Variants in HFM1 observed in about 807,000 individuals in gnomAD.
HFM1 encodes the protein probable ATP-dependent DNA helicase HFM1.
A neutral mutation model predicts 192.1 loss-of-function variants in HFM1; 169 were observed. The ratio of observed to expected loss-of-function variants is 0.88; its 90% confidence interval spans 0.78 to 1.00. The LOEUF (loss-of-function observed/expected upper bound fraction) is 1.00, where lower values mean the gene tolerates loss of function less well. Ranked by LOEUF, HFM1 falls within the 50% of genes least tolerant of loss-of-function variation. The pLI is 0.00. For missense variants in HFM1, 1,661 were observed against 1,668.0 expected (o/e 1.00, Z 0.07); for synonymous variants, 525 against 537.8 (o/e 0.98, Z 0.33).
chr1:91,290,528 C>T (rs976551663), intron 30 of HFM1, among the ~76,000 whole-genome samples: 2 of 152,206 alleles, frequency 1.3e-5, no homozygotes, highest in African/African-American at 4.8e-5. Flanking sequence ...GCACCCAACA[C>T]AGGAGCACCC....
intron 18 of HFM1, among the ~76,000 whole-genome samples, chr1:91,347,967 T>A (rs975449353): frequency 6.6e-6 from 1 of 152,128 alleles, no homozygotes; most frequent in Non-Finnish European, 1.5e-5. Context: ...TTTATATTCA[T>A]ATAAACGGAA....
chr1:91,333,054 A>G (rs1039308828), intron 20 of HFM1, among the ~76,000 whole-genome samples: 2 of 152,202 alleles, frequency 1.3e-5, no homozygotes, highest in Non-Finnish European at 2.9e-5. Flanking sequence ...GTTCCTCAAA[A>G]AACTAAAAAG....
intron 13 of HFM1, among the ~76,000 whole-genome samples, chr1:91,353,669 A>C (rs1202545796): frequency 6.6e-6 from 1 of 150,864 alleles, no homozygotes; most frequent in African/African-American, 2.4e-5. Flanking sequence ...AAAAAAAAAA[A>C]AAACATGGAA....
intron 26 of HFM1, 91 bp downstream of exon 26, chr1:91,316,300 C>T (rs927065416): frequency 6.9e-6 from 7 of 1,008,566 alleles, no homozygotes; most frequent in Non-Finnish European, 1.0e-5. Flanking sequence ...AGTTGAAATA[C>T]TTATAACTAT....
At chr1:91,380,357 A>G (rs1359964641) in intron 7 of HFM1, 121 bp from the exon 8 acceptor site, 3 of 591,322 alleles carry the variant, frequency 5.1e-6, no homozygotes, top group African/African-American at 1.9e-5. Flanking sequence ...TTTTTCCTCT[A>G]AAGTTATAAA....
intron 9 of HFM1, 21 bp from the exon 10 acceptor site, chr1:91,378,501 AC>A: frequency 7.1e-7 from 1 of 1,417,524 alleles, no homozygotes. Context: ...AAAAAAGCAT[AC>A]AAGTAGTTTA....
chr1:91,283,223 A>G (rs1667623912), intron 30 of HFM1, among the ~76,000 whole-genome samples: 1 of 152,162 alleles, frequency 6.6e-6, no homozygotes, highest in South Asian at 2.1e-4. Context: ...TAGAAAGATA[A>G]GGTTCTCAGA....
chr1:91,280,354 C>A (rs1570761581), intron 30 of HFM1, among the ~76,000 whole-genome samples: 2 of 152,172 alleles, frequency 1.3e-5, no homozygotes, highest in East Asian at 3.8e-4. Flanking sequence ...ATGACTGATG[C>A]TAGCAAATAT....
At position 91,385,628 on chromosome 1, in the gene HFM1, C is replaced by G. The variant is rs143418583; in HGVS notation, c.701G>C (p.Gly234Ala). 3.3e-5 allele frequency: 53 copies of G among 1,613,002 alleles called. No homozygotes were observed. The African/African-American group carries it at 4.9e-4, about 15-fold the overall frequency. ...TGAAAAAGATGGTGCTTTGAACATG[C>G]CTTCTCCGATTTCAGAAGCAGAAAA... ...NAFSASEIGE[G>A]MFKAPSFSVA... Residue 234 changes from glycine to alanine, a missense_variant, in exon 5 of 39, where the codon GGC becomes GCC. By Grantham distance (60) the Gly-to-Ala change is moderately conservative. Transcript: ENST00000370425.
At chr1:91,346,951 C>T (rs1356923589) in intron 19 of HFM1, among the ~76,000 whole-genome samples, 2 of 151,872 alleles carry the variant, frequency 1.3e-5, no homozygotes, top group Non-Finnish European at 2.9e-5. Flanking sequence ...AGTGAGAACC[C>T]CTTTCTAAAA....
intron 13 of HFM1, among the ~76,000 whole-genome samples, chr1:91,364,624 A>ATTTTT (rs1439970664): frequency 7.9e-5 from 3 of 37,976 alleles, no homozygotes; most frequent in African/African-American, 2.7e-4. Context: ...ATATATATAT[A>ATTTTT]TATATATATT....
At chr1:91,333,309 TG>T (rs1361238745) in intron 20 of HFM1, among the ~76,000 whole-genome samples, 2 of 152,122 alleles carry the variant, frequency 1.3e-5, no homozygotes, top group East Asian at 3.9e-4. Context: ...ACAACATGGA[TG>T]GAACCCCAGG....
chr1:91,355,149 T>A (rs921434594), intron 13 of HFM1, among the ~76,000 whole-genome samples: 1 of 152,072 alleles, frequency 6.6e-6, no homozygotes, highest in Non-Finnish European at 1.5e-5. Context: ...TTTAAAATAG[T>A]CTATTATAAC....
chr1:91,404,361 ACCCCCCGGGTCCCGTTT>A (rs1664634468), intron 1 of HFM1, among the ~76,000 whole-genome samples: 1 of 151,976 alleles, frequency 6.6e-6, no homozygotes, highest in Non-Finnish European at 1.5e-5. Flanking sequence ...GCGTCACTCC[ACCCCCCGGGTCCCGTTT>A]CCTCCCACCG....
rs1466463710 is a variant in HFM1, at chr1:91,385,188, A to T, written c.801T>A (p.Ile267=). The part of the protein sequence containing the change: ...GLGSLKAVTE[I]PAKFRSIFKE... ...TATTGTAAATAACTTAAAGGATACG[A>T]ATTTCTGTGACAGCCTTCAAGGAAC... Residue 267 remains isoleucine, a splice_region_variant and synonymous_variant, in exon 6 of 39, where the codon ATT becomes ATA. Coordinates refer to ENST00000370425, the MANE Select transcript of HFM1 (RefSeq NM_001017975.6). 1 of 1,537,404 alleles carries T rather than the reference A, an allele frequency of 6.5e-7. No individual in the cohort carries two copies. The highest frequency in any genetic ancestry group is 2.3e-5 in the East Asian group (1 of 44,144).
At chr1:91,309,407 T>A (rs1446421435) in intron 30 of HFM1, among the ~76,000 whole-genome samples, 4 of 152,230 alleles carry the variant, frequency 2.6e-5, no homozygotes, top group Admixed American at 6.5e-5. Flanking sequence ...TTTTGAAAGC[T>A]AGTCCTAAAA....
chr1:91,358,289 A>AT lies in HFM1; in HGVS notation c.1686-4991_1686-4990insA, dbSNP rs546792129. 4.0e-3 allele frequency among the ~76,000 whole-genome samples: 612 copies of AT among 152,134 alleles called. 5 individuals carry two copies. Among genetic ancestry groups the AT allele is most frequent in the African/African-American group, 0.014 (591 of 41,494 alleles). ...ACAGAGCAAGACTCCATCTCAAAAA[A>AT]AAAATTTTTTTTCATAAAATTAGTA... On this transcript the variant is annotated intron_variant, in intron 13 of 38. Transcript: ENST00000370425.
rs34569892 is a variant in HFM1 at position 91,394,241 on chromosome 1, G to A, written c.346C>T (p.His116Tyr). ...GCATATGTCAGCTTGCCAGCAATAT[G>A]TGATAAGTCATTATTACCTACCCCT... is the stretch of plus-strand genomic sequence containing the variant. ...LEGVGNNDLS[H>Y]IAGKLTYASQ... Residue 116 changes from histidine to tyrosine, a missense_variant, in exon 4 of 39, where the codon CAT becomes TAT. Coordinates refer to ENST00000370425, the MANE Select transcript of HFM1 (RefSeq NM_001017975.6). 3.1e-6 allele frequency: 5 copies of A among 1,599,558 alleles called. No homozygotes were observed. The highest frequency in any genetic ancestry group is 4.3e-6 in the Non-Finnish European group (5 of 1,166,852).
At chr1:91,295,788 T>A (rs949073508) in intron 30 of HFM1, among the ~76,000 whole-genome samples, 89 of 152,302 alleles carry the variant, frequency 5.8e-4, no homozygotes, top group African/African-American at 2.0e-3. Flanking sequence ...CCTGTTTTTT[T>A]AAAAAAGTCA....
Sources: gnomAD v4.1 joint callset for allele counts (sites outside exome capture counted in the v4.1 genomes callset) on GRCh38, gnomAD v4.1.1 for gene constraint, MANE v1.5 for transcripts, NCBI Gene and HGNC (gene_info 2026-07-23, HGNC 2026-07-21) for gene names.